Variants in NKD1 observed in about 807,000 individuals in gnomAD.
NKD1 encodes the protein NKD inhibitor of Wnt signaling pathway 1.
Under a neutral mutation model 56.0 loss-of-function variants are expected in NKD1, and 21 were observed. That is an observed-to-expected ratio of 0.38 (90% CI 0.27 to 0.54). NKD1 has a LOEUF of 0.54. NKD1 is among the 20% of genes least tolerant of loss of function. The pLI is 0.82. For missense variants in NKD1, 578 were observed against 642.7 expected, an observed-to-expected ratio of 0.90 and a Z score of 1.09; for synonymous variants, 263 against 265.7, an observed-to-expected ratio of 0.99 and a Z score of 0.10.
intron 3 of NKD1, among the ~76,000 whole-genome samples, chr16:50,601,589 T>G (rs1961598061): frequency 6.6e-6 from 1 of 152,168 alleles, no homozygotes; most frequent in Non-Finnish European, 1.5e-5. Context: ...GAGCTGTCTC[T>G]GAGAAGCTGC....
At position 50,632,213 on chromosome 16, in the gene NKD1, A is replaced by C; in HGVS notation, c.696-68A>C. ...CCAGAGTTCATTCTGGGGGCTTCCT[A>C]GTAGCCTATGCGCTTGCCCCCACCT... On this transcript the variant is annotated intron_variant, in intron 8 of 9. Transcript: ENST00000268459. The surrounding 1 kb of genome is among the most constrained non-coding windows in gnomAD (Gnocchi z 4.1). 6.6e-7 allele frequency: 1 copy of C among 1,522,462 alleles called. No homozygotes were observed. Among genetic ancestry groups the C allele is most frequent in the South Asian group, 1.1e-5 (1 of 87,566 alleles). 94.3% of individuals were successfully genotyped at this position (1,522,462 alleles called of 1,614,324 possible).
chr16:50,585,218 A>G (rs1352546906), intron 3 of NKD1, among the ~76,000 whole-genome samples: 1 of 152,224 alleles, frequency 6.6e-6, no homozygotes, highest in Non-Finnish European at 1.5e-5. Context: ...GCCACTGTCC[A>G]GGTGCAGAGG....
rs889357506 is a variant in NKD1 at position 50,615,774 on chromosome 16, C to T, written c.260-5828C>T. 2.6e-5 allele frequency among the ~76,000 whole-genome samples: 4 copies of T among 152,304 alleles called. No individual in the cohort carries two copies. In the East Asian group the frequency reaches 5.8e-4, roughly 22 times the overall value. The stretch of plus-strand genomic sequence containing the variant: ...GATGCCAACAGTAGCACACCCTGCA[C>T]AGTGTTAAGAGGACTTAATGGAATA... On this transcript the variant is annotated intron_variant, in intron 4 of 9. Coordinates refer to ENST00000268459, the MANE Select transcript of NKD1 (RefSeq NM_033119.5).
intron 3 of NKD1, among the ~76,000 whole-genome samples, chr16:50,550,377 A>G (rs1262450330): frequency 2.0e-5 from 3 of 147,520 alleles, no homozygotes; most frequent in Non-Finnish European, 3.0e-5. Flanking sequence ...TTTTTAACTT[A>G]GAGGGGGAAT....
intron 6 of NKD1, among the ~76,000 whole-genome samples, chr16:50,628,468 G>A (rs1962272259): frequency 6.6e-6 from 1 of 152,204 alleles, no homozygotes; most frequent in African/African-American, 2.4e-5. Flanking sequence ...CATGGATGGG[G>A]TTGCTTCATA....
intron 3 of NKD1, among the ~76,000 whole-genome samples, chr16:50,577,899 AT>A (rs568962980): frequency 3.0e-4 from 46 of 152,110 alleles, no homozygotes; most frequent in Non-Finnish European, 5.6e-4. Context: ...TAGCAGATAG[AT>A]TTTTTCCTGT....
At chr16:50,616,265 G>T (rs1434009246) in intron 4 of NKD1, among the ~76,000 whole-genome samples, 1 of 152,224 alleles carries the variant, frequency 6.6e-6, no homozygotes, top group African/African-American at 2.4e-5. Context: ...AGAGGGGTCT[G>T]CCATGCAATT....
chr16:50,603,249 C>T (rs991364754), intron 3 of NKD1, among the ~76,000 whole-genome samples: 10 of 152,150 alleles, frequency 6.6e-5, no homozygotes, highest in Non-Finnish European at 1.5e-4. Flanking sequence ...GGAGCCTGGG[C>T]GTCCCGACTG....
At chr16:50,548,627 G>A in intron 1 of NKD1, 49 bp downstream of exon 1, 3 of 1,442,918 alleles carry the variant, frequency 2.1e-6, no homozygotes, top group East Asian at 6.0e-5. Flanking sequence ...CGCCGTCGCC[G>A]CCGCGGTCGC....
At chr16:50,614,692 C>G (rs1385300441) in intron 4 of NKD1, among the ~76,000 whole-genome samples, 1 of 152,138 alleles carries the variant, frequency 6.6e-6, no homozygotes, top group Non-Finnish European at 1.5e-5. Flanking sequence ...AATATCTCAC[C>G]AACTCAGTCT....
At chr16:50,609,101 A>G (rs1037996682) in intron 4 of NKD1, among the ~76,000 whole-genome samples, 3 of 152,344 alleles carry the variant, frequency 2.0e-5, no homozygotes, top group Admixed American at 1.3e-4. Flanking sequence ...CTGGGGTTAC[A>G]GGCGTGAGCC....
intron 4 of NKD1, among the ~76,000 whole-genome samples, chr16:50,620,373 A>G (rs1490356465): frequency 1.3e-5 from 2 of 152,146 alleles, no homozygotes; most frequent in Non-Finnish European, 2.9e-5. Flanking sequence ...TCCCCCATCT[A>G]GTTTCCTGGC....
At chr16:50,573,599 C>G (rs1056141433) in intron 3 of NKD1, among the ~76,000 whole-genome samples, 1 of 152,244 alleles carries the variant, frequency 6.6e-6, no homozygotes, top group Non-Finnish European at 1.5e-5. Flanking sequence ...CCCACCCTGA[C>G]AGCCCTTTAG....
chr16:50,632,242 G>A lies in NKD1; in HGVS notation c.696-39G>A. The A allele has an allele frequency of 6.2e-7, 1 of 1,610,396 alleles. No homozygotes were observed. Among genetic ancestry groups the A allele is most frequent in the Non-Finnish European group, 8.5e-7 (1 of 1,177,286 alleles). On this transcript the variant is annotated intron_variant, in intron 8 of 9. Transcript: ENST00000268459. This position sits in a 1 kb window ranked among gnomAD's most constrained non-coding sequence, Gnocchi z 4.1. ...GCCTATGCGCTTGCCCCCACCTGGT[G>A]GTTGGTGTTATCCCACTCACTTGCC...
rs139325681 is a variant in NKD1 at position 50,553,218 on chromosome 16, T to C, written c.192+3663T>C. On this transcript the variant is annotated intron_variant, in intron 3 of 9. Transcript: ENST00000268459. ...AGATAGATTAAATAGTGCAGTGGAC[T>C]CAGGTATCAGGTGGGAAACACTTGG... is the stretch of plus-strand genomic sequence containing the variant. Among the ~76,000 whole-genome samples, 9 of 152,346 alleles carry C rather than the reference T, an allele frequency of 5.9e-5. No homozygotes were observed. The East Asian group carries it at 1.7e-3, about 29-fold the overall frequency.
At position 50,633,666 on chromosome 16, in the gene NKD1, G is replaced by A. The variant is rs760999865; in HGVS notation, c.1298G>A (p.Arg433Gln). The stretch of plus-strand genomic sequence containing the variant: ...CCTGTCCTGGGGCGGGAGCACCTGC[G>A]GGAGCTGCCCGCCTTGGTGGTGTAT... Reference protein sequence around the residue: ...GGPVLGREHLRELPALVVYES... With the variant: ...GGPVLGREHLQELPALVVYES... Residue 433 changes from arginine (R) to glutamine (Q), a missense_variant, in exon 10 of 10, where the codon CGG becomes CAG. By Grantham distance (43) the Arg-to-Gln change is conservative (BLOSUM62 1). Coordinates refer to ENST00000268459, the MANE Select transcript of NKD1 (RefSeq NM_033119.5). The surrounding 1 kb of genome is among the most constrained non-coding windows in gnomAD (Gnocchi z 4.9). 12 of 1,603,558 alleles carry A rather than the reference G, an allele frequency of 7.5e-6. No homozygotes were observed. Among genetic ancestry groups the A allele is most frequent in the Admixed American group, 3.4e-5 (2 of 58,788 alleles).
chr16:50,621,726 G>T lies in NKD1; in HGVS notation c.366+18G>T, dbSNP rs1432691550. ...AGTTTGAAGTAAGTTTCCTTTTGGT[G>T]CTGGGTCCTGAGGAGATGAGATGGG... On this transcript the variant is annotated intron_variant, in intron 5 of 9. Coordinates refer to ENST00000268459, the MANE Select transcript of NKD1 (RefSeq NM_033119.5). 6.3e-7 allele frequency: 1 copy of T among 1,593,094 alleles called. No individual in the cohort carries two copies. The highest frequency in any genetic ancestry group is 8.6e-7 in the Non-Finnish European group (1 of 1,162,938).
chr16:50,550,797 A>G lies in NKD1; in HGVS notation c.192+1242A>G, dbSNP rs370207909. On this transcript the variant is annotated intron_variant, in intron 3 of 9. Coordinates refer to ENST00000268459, the MANE Select transcript of NKD1 (RefSeq NM_033119.5). ...CTACTTATTTATTTAAAGGCCAACG[A>G]AAACGGTCTAATTTAGCCGTATGAA... 5.3e-5 allele frequency among the ~76,000 whole-genome samples: 8 copies of G among 152,328 alleles called. No individual in the cohort carries two copies. In the East Asian group the frequency reaches 1.5e-3, roughly 29 times the overall value.
At chr16:50,600,953 C>T (rs930279932) in intron 3 of NKD1, among the ~76,000 whole-genome samples, 1 of 152,200 alleles carries the variant, frequency 6.6e-6, no homozygotes, top group Admixed American at 6.5e-5. Flanking sequence ...CGGGGATCTA[C>T]AGTTAGGAGC....
Sources: gnomAD v4.1 joint callset for allele counts (sites outside exome capture counted in the v4.1 genomes callset) on GRCh38, gnomAD v4.1.1 for gene constraint, Gnocchi (gnomAD v3.1) non-coding constraint, MANE v1.5 for transcripts, NCBI Gene and HGNC (gene_info 2026-07-23, HGNC 2026-07-21) for gene names.